Variants in TBL1XR1 observed in about 807,000 individuals in gnomAD.
TBL1XR1 encodes the protein F-box-like/WD repeat-containing protein TBL1XR1.
TBL1XR1 carries 5 observed loss-of-function variants against 66.9 expected under a neutral mutation model. The ratio of observed to expected loss-of-function variants is 0.07; its 90% CI spans 0.04 to 0.16. The LOEUF (loss-of-function observed/expected upper bound fraction) is 0.16, where lower values mean the gene tolerates loss of function less well. Among genes scored for constraint, TBL1XR1 ranks in the 10% least tolerant of loss-of-function variants. The pLI, the probability that TBL1XR1 is intolerant of heterozygous loss-of-function variation, is 1.00. For synonymous variants in TBL1XR1, 210 were observed against 206.0 expected (o/e 1.02, Z -0.17); for missense variants, 238 against 623.2 (o/e 0.38, Z 6.58).
intron 1 of TBL1XR1, among the ~76,000 whole-genome samples, chr3:177,142,072 T>A (rs1413557521): frequency 6.6e-6 from 1 of 152,118 alleles, no homozygotes; most frequent in African/African-American, 2.4e-5. Flanking sequence ...AGAAGTTGCT[T>A]AATGGGCACA....
chr3:177,087,148 T>C (rs1044437046), intron 2 of TBL1XR1: 12 of 149,468 alleles, frequency 8.0e-5, no homozygotes, highest in African/African-American at 2.7e-4. Flanking sequence ...TGAACCCACA[T>C]AGTCCACACC....
chr3:177,136,325 T>G (rs1728993596), intron 1 of TBL1XR1: 1 of 151,814 alleles, frequency 6.6e-6, no homozygotes, highest in African/African-American at 2.4e-5. Flanking sequence ...CAGGCTGGAG[T>G]GCAAAAGTAC....
chr3:177,104,129 A>AAAGAGAGAG (rs754019574), intron 1 of TBL1XR1, among the ~76,000 whole-genome samples: 8 of 141,216 alleles, frequency 5.7e-5, no homozygotes, highest in Admixed American at 1.5e-4. Context: ...AAAAAAAAAA[A>AAAGAGAGAG]AGAGAGAGAG....
At chr3:177,037,716 CTG>C (rs1715003151) in intron 12 of TBL1XR1, 1 of 168,564 alleles carries the variant, frequency 5.9e-6, no homozygotes, top group Admixed American at 6.1e-5. Context: ...AGACAGCAGA[CTG>C]TGGGACTTCT....
At chr3:177,156,222 C>A (rs1358483378) in intron 1 of TBL1XR1, among the ~76,000 whole-genome samples, 1 of 145,704 alleles carries the variant, frequency 6.9e-6, no homozygotes, top group Non-Finnish European at 1.5e-5. Context: ...ACATATAGGC[C>A]AGGCATGGTG....
chr3:177,160,927 C>T lies in TBL1XR1; in HGVS notation c.-122+36194G>A, dbSNP rs117978345. 1.0e-4 allele frequency: 15 copies of T among 150,498 alleles called. No homozygotes were observed. In the East Asian group the frequency reaches 2.7e-3, roughly 28 times the overall value. 9.3% of individuals were successfully genotyped at this position (150,498 alleles called of 1,614,324 possible). A position where few individuals can be genotyped will look rare whatever the true frequency, so the allele number is the denominator to read the frequency against. Reference sequence around the variant, plus strand: ...GCGAGGACTGCTTGAGCCCAGAGGACGGAGGTTGTAGTGAGCCGAGAACAC... The same window carrying T: ...GCGAGGACTGCTTGAGCCCAGAGGATGGAGGTTGTAGTGAGCCGAGAACAC... On this transcript the variant is annotated intron_variant, in intron 1 of 15. Transcript: ENST00000457928.
chr3:177,200,530 A>T (rs569756429), upstream of TBL1XR1, among the ~76,000 whole-genome samples: 4 of 152,326 alleles, frequency 2.6e-5, no homozygotes, highest in African/African-American at 9.6e-5. Flanking sequence ...TCAGGGCTGC[A>T]CCAAAATACA....
intron 1 of TBL1XR1, among the ~76,000 whole-genome samples, chr3:177,175,829 C>T (rs1169751724): frequency 2.6e-5 from 4 of 152,008 alleles, no homozygotes; most frequent in East Asian, 1.9e-4. Context: ...GAGGCCGAGG[C>T]GTGCGGATCT....
intron 1 of TBL1XR1, among the ~76,000 whole-genome samples, chr3:177,122,664 T>C (rs1727117762): frequency 6.6e-6 from 1 of 152,122 alleles, no homozygotes; most frequent in Admixed American, 6.6e-5. Flanking sequence ...GATCAATGGC[T>C]TCTAGCAGAT....
chr3:177,042,735 A>G (rs1715761028), intron 10 of TBL1XR1, among the ~76,000 whole-genome samples: 1 of 152,172 alleles, frequency 6.6e-6, no homozygotes, highest in South Asian at 2.1e-4. Context: ...AGAGGCTATG[A>G]AAACTTAATT....
intron 10 of TBL1XR1, among the ~76,000 whole-genome samples, chr3:177,044,215 A>G (rs796465819): frequency 1.6e-4 from 25 of 152,272 alleles, no homozygotes; most frequent in African/African-American, 5.5e-4. Flanking sequence ...GTTTAATAAC[A>G]TATCTTCTGT....
At chr3:177,159,851 TA>T (rs1481441050) in intron 1 of TBL1XR1, among the ~76,000 whole-genome samples, 4 of 152,218 alleles carry the variant, frequency 2.6e-5, no homozygotes, top group African/African-American at 9.6e-5. Flanking sequence ...TGCATCTTCA[TA>T]AGGATGCTAC....
At chr3:177,196,865 G>A (rs936844743) in intron 1 of TBL1XR1, among the ~76,000 whole-genome samples, 11 of 151,842 alleles carry the variant, frequency 7.2e-5, no homozygotes, top group Non-Finnish European at 1.5e-4. Flanking sequence ...CCGGGAAAGG[G>A]TAGGGGGGTG....
At chr3:177,069,865 A>G (rs1355720963) in intron 2 of TBL1XR1, among the ~76,000 whole-genome samples, 2 of 141,710 alleles carry the variant, frequency 1.4e-5, no homozygotes, top group Non-Finnish European at 1.6e-5. Flanking sequence ...AAAACAACAC[A>G]CCAAATCAAT....
Position 177,022,073 on chromosome 3 carries a change from T to G in TBL1XR1, c.*3425A>C, listed in dbSNP as rs1301197271. ...AAATCATTCTACATAAACAGATAGCTCCTTAAAAATAGTACTCTCTCATTA... is the reference window on the plus strand; with the variant it reads ...AAATCATTCTACATAAACAGATAGCGCCTTAAAAATAGTACTCTCTCATTA... On this transcript the variant is annotated 3_prime_UTR_variant, in exon 16 of 16. Coordinates refer to ENST00000457928, the MANE Select transcript of TBL1XR1 (RefSeq NM_024665.7). 1 of 152,488 alleles carries G rather than the reference T, an allele frequency of 6.6e-6. No individual in the cohort carries two copies. The highest frequency in any genetic ancestry group is 2.4e-5 in the African/African-American group (1 of 41,398). The allele number at this position is 152,488 out of a possible 1,614,324, so 9.4% of individuals were successfully genotyped here.
At chr3:177,081,156 A>G (rs1721340241) in intron 2 of TBL1XR1, among the ~76,000 whole-genome samples, 1 of 152,236 alleles carries the variant, frequency 6.6e-6, no homozygotes, top group East Asian at 1.9e-4. Context: ...TTGGCAATAC[A>G]TAGTATCTCC....
chr3:177,041,959 A>T (rs944895040), intron 10 of TBL1XR1, among the ~76,000 whole-genome samples: 23 of 151,952 alleles, frequency 1.5e-4, no homozygotes, highest in Admixed American at 7.9e-4. Flanking sequence ...TCTCCTCTAG[A>T]GTCTTAGACT....
intron 1 of TBL1XR1, among the ~76,000 whole-genome samples, chr3:177,137,335 T>C (rs746779331): frequency 1.3e-5 from 2 of 150,888 alleles, no homozygotes; most frequent in Non-Finnish European, 3.0e-5. Context: ...TTACAAAAAA[T>C]ACAAAAATCG....
At position 177,052,296 on chromosome 3, in the gene TBL1XR1, T is replaced by C. The variant is rs548885300; in HGVS notation, c.205-570A>G. ...AGTTCCTAATAAAGAGTTCTCCAAG[T>C]AAGCACAAGAAGAGACACAAACACA... is the stretch of plus-strand genomic sequence containing the variant. On this transcript the variant is annotated intron_variant, in intron 4 of 15. Coordinates refer to ENST00000457928, the MANE Select transcript of TBL1XR1 (RefSeq NM_024665.7). Among the ~76,000 whole-genome samples, 83 of 152,140 alleles carry C rather than the reference T, an allele frequency of 5.5e-4. 6 individuals are homozygous for C. Among genetic ancestry groups the C allele is most frequent in the Non-Finnish European group, 1.5e-5 (1 of 68,024 alleles).
Sources: gnomAD v4.1 joint callset for allele counts (sites outside exome capture counted in the v4.1 genomes callset) on GRCh38, gnomAD v4.1.1 for gene constraint, MANE v1.5 for transcripts, NCBI Gene and HGNC (gene_info 2026-07-23, HGNC 2026-07-21) for gene names.